Variants in TSPAN11 observed in about 807,000 individuals in gnomAD.
TSPAN11 encodes tetraspanin-11.
Under a neutral mutation model 32.9 loss-of-function variants are expected in TSPAN11, and 29 were observed. The observed-to-expected ratio is 0.88, with a 90% CI of 0.66 to 1.20. The LOEUF is 1.20. TSPAN11 is among the 50% of genes most tolerant of loss of function. TSPAN11 has a pLI of 0.00. For synonymous variants in TSPAN11, 140 were observed against 141.3 expected, an observed-to-expected ratio of 0.99 and a Z score of 0.07; for missense variants, 283 against 329.1, an observed-to-expected ratio of 0.86 and a Z score of 1.08.
rs201037637 is a variant in TSPAN11, at chr12:30,992,535, G to A, written c.*620G>A. 36 of 157,016 alleles carry A rather than the reference G, an allele frequency of 2.3e-4. 1 individual carries two copies. In the East Asian group the frequency reaches 5.0e-3, roughly 22 times the overall value. The allele number at this position is 157,016 out of a possible 1,614,324, so 9.7% of individuals were successfully genotyped here. A position where few individuals can be genotyped will look rare whatever the true frequency, so the allele number is the denominator to read the frequency against. ...GGGCAGCCACAGGCTGGGTAGAGCC[G>A]CCCTGGCAGGAAGCAGGGGGTAAGG... On this transcript the variant is annotated 3_prime_UTR_variant, in exon 8 of 8. Coordinates refer to ENST00000546076, the MANE Select transcript of TSPAN11 (RefSeq NM_001370302.1).
the TSPAN11 span, among the ~76,000 whole-genome samples, chr12:31,005,578 G>A: frequency 6.6e-6 from 1 of 152,204 alleles, no homozygotes; most frequent in African/African-American, 2.4e-5. Context: ...CGTGCCCCAG[G>A]TCTCCCTGTG....
At chr12:30,954,896 G>A (rs1359498239) in intron 2 of TSPAN11, 1 of 152,140 alleles carries the variant, frequency 6.6e-6, no homozygotes, top group Non-Finnish European at 1.5e-5. Context: ...GAATATATTA[G>A]ATGTCAAATG....
At position 30,940,070 on chromosome 12, in the gene TSPAN11, G is replaced by C. The variant is rs535264659; in HGVS notation, c.-12+13274G>C. 3.9e-5 allele frequency among the ~76,000 whole-genome samples: 6 copies of C among 152,244 alleles called. No homozygotes were observed. The South Asian group carries it at 1.2e-3, about 32-fold the overall frequency. ...GCTGGCTTGTGAAAGACTCCCAAAG[G>C]GCCCTGTTGGGAGAACTGGCTGGTG... On this transcript the variant is annotated intron_variant, in intron 1 of 7. Coordinates refer to ENST00000546076, the MANE Select transcript of TSPAN11 (RefSeq NM_001370302.1).
rs966160671 is a variant in TSPAN11, at chr12:30,947,544, C to T, written c.-11-6437C>T. 2.0e-5 allele frequency among the ~76,000 whole-genome samples: 3 copies of T among 152,126 alleles called. No homozygotes were observed. In the East Asian group the frequency reaches 5.8e-4, roughly 29 times the overall value. The stretch of plus-strand genomic sequence containing the variant: ...GGCAGGAGGCAAAAGGCACTTCCTA[C>T]ATGGTGGTGGCAAAAGAAAATGAGA... On this transcript the variant is annotated intron_variant, in intron 1 of 7. Coordinates refer to ENST00000546076, the MANE Select transcript of TSPAN11 (RefSeq NM_001370302.1).
intron 1 of TSPAN11, among the ~76,000 whole-genome samples, chr12:30,949,096 T>A (rs1938326619): frequency 6.6e-6 from 1 of 152,248 alleles, no homozygotes; most frequent in South Asian, 2.1e-4. Context: ...CATCTCCATC[T>A]GAGACCACCT....
chr12:30,993,309 AC>A lies in TSPAN11; in HGVS notation c.*1395del. On this transcript the variant is annotated 3_prime_UTR_variant, in exon 8 of 8. Transcript: ENST00000546076. The stretch of plus-strand genomic sequence containing the variant: ...CACCTCCCTGCTTGATCCAGATTGC[AC>A]TGTGATGAGCACATTGCTGACCTAG... 1.3e-5 allele frequency: 2 copies of A among 152,360 alleles called. No individual in the cohort carries two copies. The highest frequency in any genetic ancestry group is 2.9e-5 in the Non-Finnish European group (2 of 68,094). The allele number at this position is 152,360 out of a possible 1,614,324, so 9.4% of individuals were successfully genotyped here. A position where few individuals can be genotyped will look rare whatever the true frequency, so the allele number is the denominator to read the frequency against.
At chr12:30,951,173 A>G (rs1592470266) in intron 1 of TSPAN11, among the ~76,000 whole-genome samples, 1 of 152,340 alleles carries the variant, frequency 6.6e-6, no homozygotes, top group Middle Eastern at 3.4e-3. Flanking sequence ...ATTCTTTTCA[A>G]ATGTGTGTGA....
chr12:30,933,213 T>A (rs964877032), intron 1 of TSPAN11, among the ~76,000 whole-genome samples: 1 of 152,172 alleles, frequency 6.6e-6, no homozygotes, highest in Admixed American at 6.5e-5. Context: ...CTCTGGGTGA[T>A]CCTTGTCCTC....
intron 1 of TSPAN11, among the ~76,000 whole-genome samples, chr12:30,942,110 C>T (rs544891103): frequency 9.5e-4 from 145 of 152,292 alleles, no homozygotes; most frequent in African/African-American, 3.1e-3. Flanking sequence ...CCGTCAGATT[C>T]GGGCTCTGGA....
chr12:30,927,035 CG>C, intron 1 of TSPAN11: 2 of 1,284,142 alleles, frequency 1.6e-6, no homozygotes, highest in Non-Finnish European at 2.0e-6. Context: ...ACACGCAACA[CG>C]GTGTCCATAA....
intron 3 of TSPAN11, among the ~76,000 whole-genome samples, chr12:30,970,472 A>C (rs1465351787): frequency 1.3e-5 from 2 of 152,184 alleles, no homozygotes; most frequent in East Asian, 3.9e-4. Flanking sequence ...GAAGGGCCTC[A>C]GCCACATTTT....
chr12:30,978,978 C>A, intron 4 of TSPAN11: 1 of 323,474 alleles, frequency 3.1e-6, no homozygotes, highest in Non-Finnish European at 5.7e-6. Context: ...GGTCACATGC[C>A]AGACCCCGAA....
chr12:30,994,062 G>A lies in TSPAN11; in HGVS notation c.*2147G>A, dbSNP rs891812911. On this transcript the variant is annotated 3_prime_UTR_variant, in exon 8 of 8. Coordinates refer to ENST00000546076, the MANE Select transcript of TSPAN11 (RefSeq NM_001370302.1). ...CGTCCAGCCAGACTGCCTCTTGAAA[G>A]ATGGCTTGTCCAAGCGGCAGACAGT... 2.0e-5 allele frequency: 3 copies of A among 152,266 alleles called. No homozygotes were observed. Among genetic ancestry groups the A allele is most frequent in the Admixed American group, 2.0e-4 (3 of 15,284 alleles). 9.4% of individuals were successfully genotyped at this position (152,266 alleles called of 1,614,324 possible). A position where few individuals can be genotyped will look rare whatever the true frequency, so the allele number is the denominator to read the frequency against.
At chr12:31,015,140 C>G in the TSPAN11 span, among the ~76,000 whole-genome samples, 1 of 152,202 alleles carries the variant, frequency 6.6e-6, no homozygotes, top group Admixed American at 6.5e-5. The surrounding 1 kb of genome is among the most constrained non-coding windows in gnomAD (Gnocchi z 4.9). Context: ...TCATCAAGAT[C>G]TTCTTTCAGT....
At chr12:30,987,059 G>A (rs962930778) in intron 7 of TSPAN11, among the ~76,000 whole-genome samples, 5 of 152,228 alleles carry the variant, frequency 3.3e-5, no homozygotes, top group Non-Finnish European at 7.3e-5. Context: ...TGAAACGAAG[G>A]GTAAAACCTT....
At chr12:30,953,880 A>G (rs1938430448) in intron 1 of TSPAN11, 101 bp from the exon 2 acceptor site, 1 of 784,784 alleles carries the variant, frequency 1.3e-6, no homozygotes, top group Non-Finnish European at 2.1e-6. Context: ...AGATAGGTTA[A>G]TGAGCCCTTT....
rs1276235191 is a variant in TSPAN11, at chr12:30,994,713, T to G, written c.*2798T>G. On this transcript the variant is annotated 3_prime_UTR_variant, in exon 8 of 8. Transcript: ENST00000546076. The stretch of plus-strand genomic sequence containing the variant: ...GTAAGTGGGGAGTGTGTCCAGGGAT[T>G]TTTTTGTGTTTACCAAGGTCCTGCT... The G allele has an allele frequency of 1.3e-5, 2 of 152,192 alleles. No individual in the cohort carries two copies. Among genetic ancestry groups the G allele is most frequent in the Admixed American group, 1.3e-4 (2 of 15,288 alleles). 9.4% of individuals were successfully genotyped at this position (152,192 alleles called of 1,614,324 possible). A position where few individuals can be genotyped will look rare whatever the true frequency, so the allele number is the denominator to read the frequency against.
intron 1 of TSPAN11, among the ~76,000 whole-genome samples, chr12:30,943,145 A>G (rs1938200688): frequency 6.6e-6 from 1 of 152,216 alleles, no homozygotes; most frequent in Non-Finnish European, 1.5e-5. Context: ...GTCGGAGAAC[A>G]CTGGCCCTGC....
chr12:30,984,975 C>T (rs1468465507), intron 7 of TSPAN11, among the ~76,000 whole-genome samples: 2 of 152,120 alleles, frequency 1.3e-5, no homozygotes, highest in Non-Finnish European at 2.9e-5. Context: ...TCCCGAACTC[C>T]CTACCATGAC....
Sources: allele counts gnomAD v4.1 joint callset (sites outside exome capture counted in the v4.1 genomes callset), GRCh38; gene constraint gnomAD v4.1.1; non-coding constraint Gnocchi (gnomAD v3.1); transcripts MANE v1.5; gene names NCBI Gene and HGNC (gene_info 2026-07-23, HGNC 2026-07-21).